The following CAMK1D variants were observed in gnomAD, a reference collection of about 807,000 sequenced individuals.
CAMK1D encodes calcium/calmodulin dependent protein kinase ID.
A neutral mutation model predicts 47.7 loss-of-function variants in CAMK1D; 9 were observed. That is an observed-to-expected ratio of 0.19 (90% CI 0.11 to 0.33). The LOEUF (loss-of-function observed/expected upper bound fraction) is 0.33, where lower values mean the gene tolerates loss of function less well. Ranked by LOEUF, CAMK1D falls within the 10% of genes least tolerant of loss-of-function variation. CAMK1D has a pLI of 1.00. For missense variants in CAMK1D, 291 were observed against 488.7 expected (o/e 0.60, Z 3.81); for synonymous variants, 184 against 184.9 (o/e 0.99, Z 0.04).
intron 1 of CAMK1D, among the ~76,000 whole-genome samples, chr10:12,401,041 GT>G (rs1022242732): frequency 1.5e-4 from 15 of 98,876 alleles, no homozygotes; most frequent in African/African-American, 5.8e-4. Flanking sequence ...ATAAATATAT[GT>G]ATTATATATA....
At chr10:12,402,102 C>G (rs1839247958) in intron 1 of CAMK1D, among the ~76,000 whole-genome samples, 1 of 151,868 alleles carries the variant, frequency 6.6e-6, no homozygotes, top group South Asian at 2.1e-4. Flanking sequence ...TGGAGTCTCG[C>G]TCTGTCGCCT....
At chr10:12,553,175 G>T (rs1836643905) in intron 1 of CAMK1D, 50 bp from the exon 2 acceptor site, 3 of 1,611,306 alleles carry the variant, frequency 1.9e-6, no homozygotes, top group Non-Finnish European at 2.5e-6. Context: ...GAGCCATTGT[G>T]AAACTGGACT....
At chr10:12,695,320 A>C (rs1428201665) in intron 3 of CAMK1D, among the ~76,000 whole-genome samples, 1 of 152,144 alleles carries the variant, frequency 6.6e-6, no homozygotes, top group Non-Finnish European at 1.5e-5. Flanking sequence ...GTAGAGGGCG[A>C]ACATAAGTCC....
At chr10:12,403,573 C>A (rs948012074) in intron 1 of CAMK1D, among the ~76,000 whole-genome samples, 3 of 152,136 alleles carry the variant, frequency 2.0e-5, no homozygotes, top group Non-Finnish European at 2.9e-5. Flanking sequence ...GAATGTAAAT[C>A]TGGGATGCAG....
intron 2 of CAMK1D, among the ~76,000 whole-genome samples, chr10:12,581,050 T>TC (rs1837648753): frequency 6.6e-6 from 1 of 151,960 alleles, no homozygotes; most frequent in African/African-American, 2.4e-5. Flanking sequence ...CCCCACCCTT[T>TC]CCCCCAAGTC....
At chr10:12,429,783 C>T (rs1220237057) in intron 1 of CAMK1D, among the ~76,000 whole-genome samples, 1 of 152,190 alleles carries the variant, frequency 6.6e-6, no homozygotes, top group Non-Finnish European at 1.5e-5. Flanking sequence ...CACCGGGTGC[C>T]TGTGGGAGAT....
chr10:12,361,281 C>T (rs1837653611), intron 1 of CAMK1D, among the ~76,000 whole-genome samples: 1 of 138,812 alleles, frequency 7.2e-6, no homozygotes, highest in South Asian at 2.5e-4. Flanking sequence ...GAGTCTTGCT[C>T]TGTCACCCAG....
chr10:12,827,472 G>GCCTTTCTTTCTTTCTTTCTTTCTT lies in CAMK1D; in HGVS notation c.1040-1297_1040-1296insCCTTTCTTTCTTTCTTTCTTTCTT. ...CTTTCTTTTCTTTCTTTGTCTGTCT[G>GCCTTTCTTTCTTTCTTTCTTTCTT]TCTTTCTTTCTTTCTTTCTTTCTTT... On this transcript the variant is annotated intron_variant, in intron 10 of 10. Transcript: ENST00000619168. Among the ~76,000 whole-genome samples, 2 of 5,098 alleles carry GCCTTTCTTTCTTTCTTTCTTTCTT rather than the reference G, an allele frequency of 3.9e-4. 1 individual carries two copies. Among genetic ancestry groups the GCCTTTCTTTCTTTCTTTCTTTCTT allele is most frequent in the East Asian group, 0.017 (2 of 120 alleles). 3.3% of individuals were successfully genotyped at this position (5,098 alleles called of 152,430 possible).
intron 3 of CAMK1D, among the ~76,000 whole-genome samples, chr10:12,728,009 G>A (rs1353208501): frequency 1.3e-5 from 2 of 152,072 alleles, no homozygotes; most frequent in Non-Finnish European, 2.9e-5. Context: ...CCAATGATCC[G>A]CCCGCCTCGG....
At chr10:12,686,621 G>T (rs1832676033) in intron 3 of CAMK1D, among the ~76,000 whole-genome samples, 1 of 152,110 alleles carries the variant, frequency 6.6e-6, no homozygotes, top group Admixed American at 6.5e-5. Flanking sequence ...ACCACACCTG[G>T]CCATATATAC....
At chr10:12,730,818 G>A (rs1461448900) in intron 3 of CAMK1D, among the ~76,000 whole-genome samples, 1 of 152,174 alleles carries the variant, frequency 6.6e-6, no homozygotes, top group Non-Finnish European at 1.5e-5. Flanking sequence ...AGAACTGACT[G>A]CTTTGTTCAG....
At chr10:12,442,599 T>C (rs1444445508) in intron 1 of CAMK1D, among the ~76,000 whole-genome samples, 2 of 152,198 alleles carry the variant, frequency 1.3e-5, no homozygotes, top group African/African-American at 2.4e-5. Flanking sequence ...ATAGACACTG[T>C]TTTTAGTTTT....
chr10:12,521,470 AT>A (rs559394468), intron 1 of CAMK1D, among the ~76,000 whole-genome samples: 3 of 151,976 alleles, frequency 2.0e-5, no homozygotes, highest in Admixed American at 6.6e-5. Flanking sequence ...ATACTTTGTG[AT>A]TTTTTTTAAT....
At chr10:12,443,414 G>A (rs970934802) in intron 1 of CAMK1D, among the ~76,000 whole-genome samples, 1 of 152,124 alleles carries the variant, frequency 6.6e-6, no homozygotes, top group Non-Finnish European at 1.5e-5. Flanking sequence ...TGACCTTCAC[G>A]AAGGCACGAA....
chr10:12,607,609 A>G (rs1838499321), intron 2 of CAMK1D, among the ~76,000 whole-genome samples: 1 of 152,184 alleles, frequency 6.6e-6, no homozygotes, highest in African/African-American at 2.4e-5. Context: ...AACTTTGAAG[A>G]TGGTTCAAAT....
chr10:12,485,021 G>A (rs944801982), intron 1 of CAMK1D, among the ~76,000 whole-genome samples: 6 of 152,322 alleles, frequency 3.9e-5, no homozygotes, highest in African/African-American at 1.4e-4. Context: ...TTTCAGATTG[G>A]TGTGCTGAGC....
chr10:12,607,927 C>CT (rs1838511251), intron 2 of CAMK1D, among the ~76,000 whole-genome samples: 1 of 151,914 alleles, frequency 6.6e-6, no homozygotes, highest in African/African-American at 2.4e-5. Context: ...CATTACTGCG[C>CT]TCCAGCCTAG....
chr10:12,638,888 G>A (rs1839588045), intron 2 of CAMK1D, among the ~76,000 whole-genome samples: 1 of 152,150 alleles, frequency 6.6e-6, no homozygotes, highest in Non-Finnish European at 1.5e-5. Flanking sequence ...GTCCCCGTTG[G>A]TGTCCCTCTC....
intron 3 of CAMK1D, among the ~76,000 whole-genome samples, chr10:12,675,816 C>G (rs150808095): frequency 2.0e-5 from 3 of 152,168 alleles, no homozygotes; most frequent in Non-Finnish European, 1.5e-5. Context: ...CCTGTCCCAC[C>G]TTTCTTTCGT....
Sources: gnomAD v4.1 joint callset for allele counts (sites outside exome capture counted in the v4.1 genomes callset) on GRCh38, gnomAD v4.1.1 for gene constraint, MANE v1.5 for transcripts, NCBI Gene and HGNC (gene_info 2026-07-23, HGNC 2026-07-21) for gene names.